Variants in NEMP2 observed in about 807,000 individuals in gnomAD.
NEMP2 encodes the protein nuclear envelope integral membrane protein 2, also known as UPF0571 transmembrane protein.
NEMP2 carries 53 observed loss-of-function variants against 54.2 expected under a neutral mutation model. The ratio of observed to expected loss-of-function variants is 0.98; its 90% CI spans 0.78 to 1.23. The LOEUF is 1.23. Among genes scored for constraint, NEMP2 ranks in the 50% most tolerant of loss-of-function variants. NEMP2 has a pLI of 0.00. For synonymous variants in NEMP2, 197 were observed against 190.3 expected, an observed-to-expected ratio of 1.04 and a Z score of -0.29; for missense variants, 455 against 511.3, an observed-to-expected ratio of 0.89 and a Z score of 1.06.
chr2:190,545,603 C>T, the NEMP2 span, among the ~76,000 whole-genome samples: 5 of 152,326 alleles, frequency 3.3e-5, no homozygotes, highest in East Asian at 1.9e-4. Context: ...CTTGATCATG[C>T]ACTTCAGAAT....
chr2:190,568,544 C>T, the NEMP2 span, among the ~76,000 whole-genome samples: 14 of 149,084 alleles, frequency 9.4e-5, no homozygotes, highest in Admixed American at 2.0e-4. This position sits in a 1 kb window ranked among gnomAD's most constrained non-coding sequence, Gnocchi z 4.7. Context: ...AATTATCGGC[C>T]GGGCACAGTG....
Position 190,509,320 on chromosome 2 carries a change from GT to G in NEMP2, c.1131-9del. Reference sequence around the variant, plus strand: ...AGAACAAAGTCTGCAAATCTAACAAGTTTTTTGTTTTAAATAAAGTTAATGT... The same window carrying G: ...AGAACAAAGTCTGCAAATCTAACAAGTTTTTGTTTTAAATAAAGTTAATGT... On this transcript the variant is annotated splice_polypyrimidine_tract_variant and intron_variant, in intron 8 of 8. Transcript: ENST00000409150. The surrounding 1 kb of genome is among the most constrained non-coding windows in gnomAD (Gnocchi z 6.1). 6.4e-7 allele frequency: 1 copy of G among 1,551,226 alleles called. No individual in the cohort carries two copies. The highest frequency in any genetic ancestry group is 8.7e-7 in the Non-Finnish European group (1 of 1,146,774).
chr2:190,466,280 A>T, the NEMP2 span, among the ~76,000 whole-genome samples: 1 of 152,232 alleles, frequency 6.6e-6, no homozygotes, highest in South Asian at 2.1e-4. Context: ...GGGGGAACAC[A>T]TGGTTCAGTC....
At chr2:190,431,471 G>A in the NEMP2 span, among the ~76,000 whole-genome samples, 2 of 152,260 alleles carry the variant, frequency 1.3e-5, no homozygotes, top group African/African-American at 4.8e-5. The surrounding 1 kb of genome is among the most constrained non-coding windows in gnomAD (Gnocchi z 4.4). Flanking sequence ...TGGAGGCCGA[G>A]GCTGGCGGAT....
chr2:190,517,254 C>T (rs1002785402), intron 5 of NEMP2, among the ~76,000 whole-genome samples: 2 of 151,768 alleles, frequency 1.3e-5, no homozygotes, highest in Non-Finnish European at 2.9e-5. Flanking sequence ...GAAATAGCTT[C>T]CTATCACTCA....
the NEMP2 span, among the ~76,000 whole-genome samples, chr2:190,601,340 G>A: frequency 6.6e-6 from 1 of 152,126 alleles, no homozygotes; most frequent in East Asian, 1.9e-4. This position sits in a 1 kb window ranked among gnomAD's most constrained non-coding sequence, Gnocchi z 5.8. Flanking sequence ...TCAGATTTCT[G>A]GCATCCAGAG....
the NEMP2 span, chr2:190,568,098 G>C: frequency 4.6e-5 from 7 of 152,316 alleles, no homozygotes; most frequent in South Asian, 1.4e-3. This position sits in a 1 kb window ranked among gnomAD's most constrained non-coding sequence, Gnocchi z 4.7. Flanking sequence ...TATAATCTAA[G>C]AAAATAAGGG....
In NEMP2 at chr2:190,527,863, T is replaced by C. The variant is rs2125342162; in HGVS notation, c.98-2485A>G. On this transcript the variant is annotated intron_variant, in intron 1 of 8. Coordinates refer to ENST00000409150, the MANE Select transcript of NEMP2 (RefSeq NM_001142645.2). The surrounding 1 kb of genome is among the most constrained non-coding windows in gnomAD (Gnocchi z 4.0). ...AGGTTGCATGCTTGTTATGATAATC[T>C]AACTAATGCCTGATGATCTGAGGTG... Among the ~76,000 whole-genome samples, 1 of 152,254 alleles carries C rather than the reference T, an allele frequency of 6.6e-6. No individual in the cohort carries two copies. Among genetic ancestry groups the C allele is most frequent in the Non-Finnish European group, 1.5e-5 (1 of 68,008 alleles).
chr2:190,482,399 CTT>C, the NEMP2 span, among the ~76,000 whole-genome samples: 190 of 141,630 alleles, frequency 1.3e-3, no homozygotes, highest in Non-Finnish European at 1.2e-3. Context: ...GGAAGCTTTC[CTT>C]TTTTTTTTTT....
At chr2:190,634,663 G>A in the NEMP2 span, among the ~76,000 whole-genome samples, 1 of 152,148 alleles carries the variant, frequency 6.6e-6, no homozygotes. The surrounding 1 kb of genome is among the most constrained non-coding windows in gnomAD (Gnocchi z 6.8). Flanking sequence ...CTATTCAAAA[G>A]GTTTTAATCT....
chr2:190,467,682 C>T, the NEMP2 span, among the ~76,000 whole-genome samples: 1 of 152,136 alleles, frequency 6.6e-6, no homozygotes. The surrounding 1 kb of genome is among the most constrained non-coding windows in gnomAD (Gnocchi z 5.5). Flanking sequence ...CCAAATCTGG[C>T]CTGCTGCCTG....
At chr2:190,471,469 A>G in the NEMP2 span, among the ~76,000 whole-genome samples, 3 of 152,292 alleles carry the variant, frequency 2.0e-5, no homozygotes, top group Non-Finnish European at 4.4e-5. The surrounding 1 kb of genome is among the most constrained non-coding windows in gnomAD (Gnocchi z 4.7). Flanking sequence ...GGAGGGTCCT[A>G]CGCCCACGGA....
chr2:190,619,397 G>A, the NEMP2 span, among the ~76,000 whole-genome samples: 1 of 151,950 alleles, frequency 6.6e-6, no homozygotes, highest in South Asian at 2.1e-4. The surrounding 1 kb of genome is among the most constrained non-coding windows in gnomAD (Gnocchi z 5.5). Context: ...CTACCTGGGA[G>A]GCTGAGGTGG....
chr2:190,611,497 G>A, the NEMP2 span, among the ~76,000 whole-genome samples: 10 of 152,226 alleles, frequency 6.6e-5, no homozygotes, highest in East Asian at 1.4e-3. The surrounding 1 kb of genome is among the most constrained non-coding windows in gnomAD (Gnocchi z 5.4). Context: ...TAAAGAGCAG[G>A]TTAGTGCTTT....
the NEMP2 span, among the ~76,000 whole-genome samples, chr2:190,430,682 G>A: frequency 5.9e-5 from 9 of 151,508 alleles, no homozygotes; most frequent in African/African-American, 1.9e-4. Context: ...CCACAAAACC[G>A]CCATTGTCAT....
chr2:190,456,490 C>G, the NEMP2 span, among the ~76,000 whole-genome samples: 1 of 152,026 alleles, frequency 6.6e-6, no homozygotes, highest in Admixed American at 6.5e-5. This position sits in a 1 kb window ranked among gnomAD's most constrained non-coding sequence, Gnocchi z 5.4. Context: ...CCTTTCAACC[C>G]GCTGGTGATA....
At position 190,523,020 on chromosome 2, in the gene NEMP2, G is replaced by A. The variant is rs1690804378; in HGVS notation, c.213+2243C>T. On this transcript the variant is annotated intron_variant, in intron 2 of 8. Coordinates refer to ENST00000409150, the MANE Select transcript of NEMP2 (RefSeq NM_001142645.2). The surrounding 1 kb of genome is among the most constrained non-coding windows in gnomAD (Gnocchi z 5.3). Reference sequence around the variant, plus strand: ...CTCAGAATCTGAGGGATGTGTCACAGGCCATTGGTCACTCATATTTGGCTC... The same window carrying A: ...CTCAGAATCTGAGGGATGTGTCACAAGCCATTGGTCACTCATATTTGGCTC... Among the ~76,000 whole-genome samples, 1 of 152,110 alleles carries A rather than the reference G, an allele frequency of 6.6e-6. No homozygotes were observed. Among genetic ancestry groups the A allele is most frequent in the African/African-American group, 2.4e-5 (1 of 41,400 alleles).
the NEMP2 span, among the ~76,000 whole-genome samples, chr2:190,642,922 G>A: frequency 6.8e-6 from 1 of 147,266 alleles, no homozygotes; most frequent in African/African-American, 2.5e-5. This position sits in a 1 kb window ranked among gnomAD's most constrained non-coding sequence, Gnocchi z 4.1. Flanking sequence ...TGCTCTTTTA[G>A]TGAAATTTTC....
chr2:190,617,242 G>A, the NEMP2 span: 4 of 152,100 alleles, frequency 2.6e-5, no homozygotes, highest in African/African-American at 9.6e-5. This position sits in a 1 kb window ranked among gnomAD's most constrained non-coding sequence, Gnocchi z 5.0. Context: ...CTACACTTCA[G>A]TTTTCATTAA....
Sources: gnomAD v4.1 joint callset for allele counts (sites outside exome capture counted in the v4.1 genomes callset) on GRCh38, gnomAD v4.1.1 for gene constraint, Gnocchi (gnomAD v3.1) non-coding constraint, MANE v1.5 for transcripts, NCBI Gene and HGNC (gene_info 2026-07-23, HGNC 2026-07-21) for gene names.